Variants in NTM observed in about 807,000 individuals in gnomAD.
The protein encoded by NTM is neurotrimin.
In NTM, 13 loss-of-function variants were observed where a neutral mutation model predicts 42.1. The ratio of observed to expected loss-of-function variants is 0.31; its 90% CI spans 0.20 to 0.49. The LOEUF is 0.49. NTM is among the 20% of genes least tolerant of loss of function. The pLI, the probability that NTM is intolerant of heterozygous loss-of-function variation, is 0.99. For synonymous variants in NTM, 187 were observed against 179.2 expected, an observed-to-expected ratio of 1.04 and a Z score of -0.35; for missense variants, 373 against 452.8, an observed-to-expected ratio of 0.82 and a Z score of 1.60.
At chr11:132,070,678 A>C (rs1304105152) in intron 2 of NTM, among the ~76,000 whole-genome samples, 4 of 141,144 alleles carry the variant, frequency 2.8e-5, no homozygotes, top group Non-Finnish European at 3.1e-5. Context: ...CACACAGCCA[A>C]GTTAACACGT....
chr11:131,499,643 G>A (rs955808628), intron 1 of NTM, among the ~76,000 whole-genome samples: 7 of 151,074 alleles, frequency 4.6e-5, no homozygotes, highest in South Asian at 2.1e-4. Context: ...TCCCTAACTC[G>A]TCCCCTGTGA....
intron 1 of NTM, among the ~76,000 whole-genome samples, chr11:131,658,626 T>C (rs748784978): frequency 3.4e-4 from 52 of 152,180 alleles, no homozygotes; most frequent in Non-Finnish European, 5.4e-4. Context: ...GCGGAGAAAC[T>C]TGCCCAGATG....
intron 1 of NTM, among the ~76,000 whole-genome samples, chr11:131,818,479 G>A (rs2093042580): frequency 6.6e-6 from 1 of 152,206 alleles, no homozygotes; most frequent in East Asian, 1.9e-4. Context: ...TTGTATAGCT[G>A]GATAGGGATA....
chr11:131,551,385 G>A (rs936684065), intron 1 of NTM, among the ~76,000 whole-genome samples: 5 of 150,520 alleles, frequency 3.3e-5, no homozygotes, highest in Non-Finnish European at 7.4e-5. Flanking sequence ...GGTGAAGGGA[G>A]CACATCTAGT....
intron 4 of NTM, among the ~76,000 whole-genome samples, chr11:132,260,309 C>A (rs914791500): frequency 1.3e-5 from 2 of 151,298 alleles, no homozygotes; most frequent in African/African-American, 4.9e-5. Context: ...AAGTGAATTT[C>A]TCAAAGTCAC....
chr11:132,326,387 A>G (rs573999961), intron 7 of NTM, among the ~76,000 whole-genome samples: 52 of 152,290 alleles, frequency 3.4e-4, no homozygotes, highest in African/African-American at 1.2e-3. Context: ...CAACTCACAG[A>G]GAGAACACCA....
intron 1 of NTM, among the ~76,000 whole-genome samples, chr11:131,781,275 A>T (rs1233041491): frequency 6.7e-6 from 1 of 150,108 alleles, no homozygotes; most frequent in Non-Finnish European, 1.5e-5. Context: ...AAGAACAAAG[A>T]AGTAAAAAAA....
chr11:132,245,413 G>A (rs1266102877), intron 4 of NTM, among the ~76,000 whole-genome samples: 2 of 152,182 alleles, frequency 1.3e-5, no homozygotes, highest in Admixed American at 6.5e-5. Flanking sequence ...TGAGGAGGGA[G>A]GGGATTGCAG....
chr11:131,780,412 C>T lies in NTM; in HGVS notation c.83-131152C>T, dbSNP rs536012686. On this transcript the variant is annotated intron_variant, in intron 1 of 8. Transcript: ENST00000683400. ...TCTGCTTGAGACTATGGGTCATTCTCAAATGTAGGAGTTTTATTTTGGACA... is the reference window on the plus strand; with the variant it reads ...TCTGCTTGAGACTATGGGTCATTCTTAAATGTAGGAGTTTTATTTTGGACA... 9.9e-5 allele frequency among the ~76,000 whole-genome samples: 15 copies of T among 152,198 alleles called. No individual in the cohort carries two copies. The South Asian group carries it at 2.9e-3, about 29-fold the overall frequency.
At chr11:132,113,075 A>C (rs1384246889) in intron 2 of NTM, among the ~76,000 whole-genome samples, 1 of 152,132 alleles carries the variant, frequency 6.6e-6, no homozygotes, top group East Asian at 1.9e-4. Context: ...GGTATTGTTT[A>C]TAGCTGGGCC....
chr11:132,204,213 C>A (rs1222970480), intron 3 of NTM, among the ~76,000 whole-genome samples: 1 of 152,166 alleles, frequency 6.6e-6, no homozygotes. Context: ...TGTTATACAG[C>A]AGGTATTTAA....
chr11:131,564,443 G>C (rs111331025), intron 1 of NTM, among the ~76,000 whole-genome samples: 1 of 146,266 alleles, frequency 6.8e-6, no homozygotes, highest in Non-Finnish European at 1.5e-5. Context: ...GGGTGGGTAG[G>C]GGGAGAGAGA....
At chr11:131,852,162 G>A (rs1343715762) in intron 1 of NTM, among the ~76,000 whole-genome samples, 1 of 152,146 alleles carries the variant, frequency 6.6e-6, no homozygotes, top group Non-Finnish European at 1.5e-5. Flanking sequence ...ATGGAGCCAT[G>A]AGCTGCGTGC....
intron 1 of NTM, among the ~76,000 whole-genome samples, chr11:131,568,544 G>C (rs539632256): frequency 6.6e-6 from 1 of 152,170 alleles, no homozygotes; most frequent in Non-Finnish European, 1.5e-5. Flanking sequence ...GCATAGTTTT[G>C]ATTGGTCAGA....
At chr11:132,279,988 T>C (rs967493296) in intron 4 of NTM, among the ~76,000 whole-genome samples, 3 of 152,230 alleles carry the variant, frequency 2.0e-5, no homozygotes, top group Non-Finnish European at 4.4e-5. Flanking sequence ...TTACTGTTGT[T>C]GAAACAGACC....
chr11:132,037,646 G>A (rs2076672601), intron 2 of NTM, among the ~76,000 whole-genome samples: 2 of 152,174 alleles, frequency 1.3e-5, no homozygotes. Flanking sequence ...CCCACTGGGA[G>A]CCAGAAAGGT....
At chr11:131,579,208 T>C (rs1418540672) in intron 1 of NTM, among the ~76,000 whole-genome samples, 1 of 152,100 alleles carries the variant, frequency 6.6e-6, no homozygotes, top group African/African-American at 2.4e-5. Flanking sequence ...GGCTGGAAAC[T>C]AGGAAGAGCC....
chr11:131,520,200 A>G (rs2049444287), intron 1 of NTM, among the ~76,000 whole-genome samples: 1 of 152,220 alleles, frequency 6.6e-6, no homozygotes, highest in South Asian at 2.1e-4. Context: ...GGGACTTCCA[A>G]AAATAATAAT....
At chr11:132,206,438 T>G (rs1323052437) in intron 3 of NTM, among the ~76,000 whole-genome samples, 5 of 152,210 alleles carry the variant, frequency 3.3e-5, no homozygotes, top group Admixed American at 3.3e-4. Flanking sequence ...ATATTAAAAC[T>G]CACTCATTGA....
Sources: allele counts gnomAD v4.1 joint callset (sites outside exome capture counted in the v4.1 genomes callset), GRCh38; gene constraint gnomAD v4.1.1; transcripts MANE v1.5; gene names NCBI Gene and HGNC (gene_info 2026-07-23, HGNC 2026-07-21).